Variants in MIPOL1 observed in about 807,000 individuals in gnomAD.
MIPOL1 encodes mirror-image polydactyly gene 1 protein.
In MIPOL1, 57 loss-of-function variants were observed where a neutral mutation model predicts 60.9. The observed-to-expected ratio is 0.94, with a 90% CI of 0.76 to 1.17. The LOEUF is 1.17. Among genes scored for constraint, MIPOL1 ranks in the 50% most tolerant of loss-of-function variants. MIPOL1 has a pLI of 0.00. For synonymous variants in MIPOL1, 179 were observed against 168.8 expected (o/e 1.06, Z -0.47); for missense variants, 551 against 511.6 (o/e 1.08, Z -0.74).
chr14:37,432,399 G>A lies in MIPOL1; in HGVS notation c.1031+9450G>A, dbSNP rs1319115740. ...GAATAAACAAAGTTAACACTAGATT[G>A]AAAGTTTATTCAGATGTACAGTGTC... On this transcript the variant is annotated intron_variant, in intron 11 of 12. Coordinates refer to ENST00000684589, the MANE Select transcript of MIPOL1 (RefSeq NM_001388067.1). Among the ~76,000 whole-genome samples the A allele has an allele frequency of 2.0e-5, 3 of 152,186 alleles. No homozygotes were observed. The East Asian group carries it at 5.8e-4, about 29-fold the overall frequency.
At chr14:37,438,087 AT>A (rs1212113833) in intron 11 of MIPOL1, among the ~76,000 whole-genome samples, 1 of 152,062 alleles carries the variant, frequency 6.6e-6, no homozygotes, top group Non-Finnish European at 1.5e-5. Context: ...TTGAACTTAG[AT>A]TTGGCCCTTT....
At chr14:37,334,975 A>G (rs1214261300) in intron 9 of MIPOL1, among the ~76,000 whole-genome samples, 4 of 152,096 alleles carry the variant, frequency 2.6e-5, no homozygotes, top group Admixed American at 2.6e-4. Context: ...TGCTGTGAAC[A>G]TTAATGTATA....
intron 10 of MIPOL1, among the ~76,000 whole-genome samples, chr14:37,416,091 A>G (rs2093763990): frequency 6.6e-6 from 1 of 152,200 alleles, no homozygotes; most frequent in Non-Finnish European, 1.5e-5. Flanking sequence ...ACTATCTGAA[A>G]TTAGATAATA....
intron 1 of MIPOL1, among the ~76,000 whole-genome samples, chr14:37,241,761 A>G (rs1205760529): frequency 6.6e-6 from 1 of 152,168 alleles, no homozygotes; most frequent in Non-Finnish European, 1.5e-5. Flanking sequence ...TTTAAACTTT[A>G]GAACCCTGAA....
intron 11 of MIPOL1, among the ~76,000 whole-genome samples, chr14:37,484,336 T>TC (rs2094916072): frequency 1.1e-5 from 1 of 91,310 alleles, no homozygotes; most frequent in South Asian, 3.5e-4. Flanking sequence ...AAATGTTAGA[T>TC]CTTTTTTTTT....
intron 12 of MIPOL1, among the ~76,000 whole-genome samples, chr14:37,514,967 A>T (rs1395072000): frequency 6.6e-6 from 1 of 152,178 alleles, no homozygotes; most frequent in African/African-American, 2.4e-5. Context: ...TAGAAATACA[A>T]ATTTCACTTG....
intron 10 of MIPOL1, among the ~76,000 whole-genome samples, chr14:37,377,718 G>A (rs2224155): frequency 0.97 from 143,880 of 148,550 alleles, 69,754 homozygotes; most frequent in East Asian, 1. Flanking sequence ...ACAGGAGTGC[G>A]GTGGTTATTT....
chr14:37,329,210 C>A (rs995997476), intron 9 of MIPOL1, among the ~76,000 whole-genome samples: 1 of 151,656 alleles, frequency 6.6e-6, no homozygotes, highest in African/African-American at 2.4e-5. Flanking sequence ...CTTACATATA[C>A]ACATCCATAA....
At chr14:37,536,767 AAACAATTG>A (rs1289983561) in intron 12 of MIPOL1, among the ~76,000 whole-genome samples, 1 of 152,220 alleles carries the variant, frequency 6.6e-6, no homozygotes, top group Non-Finnish European at 1.5e-5. Context: ...TGACTAGCCC[AAACAATTG>A]TTACTTTGAC....
intron 11 of MIPOL1, among the ~76,000 whole-genome samples, chr14:37,466,685 C>A (rs911658545): frequency 1.3e-5 from 2 of 152,180 alleles, no homozygotes; most frequent in Non-Finnish European, 2.9e-5. Flanking sequence ...AAGTCAGTTA[C>A]AACCAGCATT....
At chr14:37,298,942 T>C (rs1237219875) in intron 7 of MIPOL1, among the ~76,000 whole-genome samples, 2 of 150,584 alleles carry the variant, frequency 1.3e-5, no homozygotes, top group Admixed American at 1.3e-4. Flanking sequence ...GCCATCCCAT[T>C]ACTGGGTATA....
Position 37,270,428 on chromosome 14 carries a change from G to A in MIPOL1, c.396G>A (p.Gln132=). 1 of 1,567,510 alleles carries A rather than the reference G, an allele frequency of 6.4e-7. No homozygotes were observed. The highest frequency in any genetic ancestry group is 1.8e-5 in the Admixed American group (1 of 55,062). Residue 132 remains glutamine (Q), a synonymous_variant, in exon 6 of 13, where the codon CAG becomes CAA. Transcript: ENST00000684589. The part of the protein sequence containing the change: ...ILRTSNKKLQ[Q]KLAKEDKEQR... ...TTTTCAATGTGCTTTAGCTTCAGCA[G>A]AAATTGGCTAAAGAAGATAAAGAAC... is the stretch of plus-strand genomic sequence containing the variant.
At chr14:37,468,135 A>G (rs573059154) in intron 11 of MIPOL1, among the ~76,000 whole-genome samples, 3 of 151,876 alleles carry the variant, frequency 2.0e-5, no homozygotes, top group African/African-American at 7.3e-5. Flanking sequence ...CTATGTGACA[A>G]TATAGTATAT....
intron 9 of MIPOL1, among the ~76,000 whole-genome samples, chr14:37,348,831 T>C (rs904137455): frequency 3.5e-5 from 5 of 142,802 alleles, no homozygotes; most frequent in African/African-American, 1.3e-4. Context: ...TTTTTTTGTT[T>C]TTTTTTTTTT....
chr14:37,401,632 A>G (rs1471102453), intron 10 of MIPOL1: 7 of 152,098 alleles, frequency 4.6e-5, no homozygotes, highest in Admixed American at 3.9e-4. Flanking sequence ...AGAGGAGGGC[A>G]AAACAAAGAC....
chr14:37,381,123 T>G (rs567878860), intron 10 of MIPOL1, among the ~76,000 whole-genome samples: 1 of 152,200 alleles, frequency 6.6e-6, no homozygotes, highest in East Asian at 1.9e-4. Flanking sequence ...AAATGTTCAC[T>G]GACCTGGAAA....
In MIPOL1 at chr14:37,243,794, ATTAT is replaced by A. The variant is rs1972721501; in HGVS notation, c.-198-3305_-198-3302del. ...TTAAATGCTTCTCTGTCAAAAAGGC[ATTAT>A]TTAATTTTAAAGGGTAAATGTCAGA... On this transcript the variant is annotated intron_variant, in intron 1 of 12. Transcript: ENST00000684589. Among the ~76,000 whole-genome samples the A allele has an allele frequency of 3.3e-5, 5 of 152,296 alleles. No homozygotes were observed. In the South Asian group the frequency reaches 1.0e-3, roughly 32 times the overall value.
At chr14:37,437,937 T>A (rs2094188035) in intron 11 of MIPOL1, among the ~76,000 whole-genome samples, 1 of 152,156 alleles carries the variant, frequency 6.6e-6, no homozygotes, top group Non-Finnish European at 1.5e-5. Flanking sequence ...TTTTAGCTTT[T>A]TAGGCATTAA....
chr14:37,298,326 T>C (rs2085979316), intron 7 of MIPOL1, among the ~76,000 whole-genome samples: 1 of 151,844 alleles, frequency 6.6e-6, no homozygotes, highest in East Asian at 1.9e-4. Context: ...ACTTACATGT[T>C]AGACCTAAAA....
Sources: gnomAD v4.1 joint callset for allele counts (sites outside exome capture counted in the v4.1 genomes callset) on GRCh38, gnomAD v4.1.1 for gene constraint, MANE v1.5 for transcripts, NCBI Gene and HGNC (gene_info 2026-07-23, HGNC 2026-07-21) for gene names.